Variants in TCF4 observed in about 807,000 individuals in gnomAD.
TCF4 encodes transcription factor 4, also known as SL3-3 enhancer factor 2.
Under a neutral mutation model 82.1 loss-of-function variants are expected in TCF4, and 3 were observed. The observed-to-expected ratio is 0.04, with a 90% CI of 0.02 to 0.09. The LOEUF is 0.09. Ranked by LOEUF, TCF4 falls within the 10% of genes least tolerant of loss-of-function variation. The pLI, the probability that TCF4 is intolerant of heterozygous loss-of-function variation, is 1.00. For missense variants in TCF4, 518 were observed against 852.7 expected (o/e 0.61, Z 4.89); for synonymous variants, 276 against 309.6 (o/e 0.89, Z 1.14).
chr18:55,238,519 G>T (rs563995136), intron 15 of TCF4, among the ~76,000 whole-genome samples: 2 of 152,124 alleles, frequency 1.3e-5, no homozygotes, highest in Non-Finnish European at 1.5e-5. Flanking sequence ...TTCTTGGGGG[G>T]ATTTTTGTAT....
intron 16 of TCF4, among the ~76,000 whole-genome samples, chr18:55,233,964 T>C (rs911710656): frequency 6.6e-6 from 1 of 152,110 alleles, no homozygotes; most frequent in Non-Finnish European, 1.5e-5. Flanking sequence ...ATGTTATCAT[T>C]TTTATATTAA....
chr18:55,578,334 G>A (rs969617907), intron 3 of TCF4, among the ~76,000 whole-genome samples: 6 of 152,000 alleles, frequency 3.9e-5, no homozygotes, highest in African/African-American at 1.2e-4. Flanking sequence ...GCAGCATGAG[G>A]TCTTTGACCA....
chr18:55,537,460 C>T (rs148449226), intron 3 of TCF4, among the ~76,000 whole-genome samples: 213 of 152,116 alleles, frequency 1.4e-3, no homozygotes, highest in African/African-American at 4.4e-3. Context: ...CGTGGTGGCA[C>T]GTGCCTGTGA....
intron 8 of TCF4, chr18:55,321,551 C>G: frequency 7.2e-7 from 1 of 1,392,056 alleles, no homozygotes; most frequent in Non-Finnish European, 9.8e-7. Context: ...TATTTCATGG[C>G]ACCCAGGAAG....
chr18:55,350,251 A>T (rs2082050141), intron 8 of TCF4, 108 bp downstream of exon 8: 2 of 1,177,012 alleles, frequency 1.7e-6, no homozygotes, highest in African/African-American at 3.1e-5. Flanking sequence ...CTTCTAGATA[A>T]ACGTGCTGCT....
chr18:55,443,013 T>C (rs2095467119), intron 5 of TCF4, among the ~76,000 whole-genome samples: 1 of 152,212 alleles, frequency 6.6e-6, no homozygotes, highest in African/African-American at 2.4e-5. Context: ...GAAAATGGTT[T>C]GTCCAGTGGG....
chr18:55,369,511 G>A (rs748809443), intron 6 of TCF4, among the ~76,000 whole-genome samples: 52 of 152,130 alleles, frequency 3.4e-4, no homozygotes, highest in Non-Finnish European at 6.2e-4. Flanking sequence ...AGGCGAAAGT[G>A]GCTGAGGTCC....
In TCF4 at chr18:55,223,938, A is replaced by G. The variant is rs2144246009; in HGVS notation, c.*4097T>C. The G allele has an allele frequency of 6.6e-6, 1 of 152,326 alleles. No homozygotes were observed. Among genetic ancestry groups the G allele is most frequent in the Admixed American group, 6.5e-5 (1 of 15,294 alleles). The allele number at this position is 152,326 out of a possible 1,614,324, so 9.4% of individuals were successfully genotyped here. ...CAAACTTTTACTCATAATGATTCCA[A>G]AAATCTACAAAGAAGAAATATTCAG... On this transcript the variant is annotated 3_prime_UTR_variant, in exon 20 of 20. Transcript: ENST00000354452.
At chr18:55,299,660 G>C (rs950405111) in intron 8 of TCF4, among the ~76,000 whole-genome samples, 7 of 152,148 alleles carry the variant, frequency 4.6e-5, no homozygotes, top group African/African-American at 1.7e-4. Context: ...TACCAGACAG[G>C]TAAATTTGAA....
chr18:55,509,668 A>G (rs2096803141), intron 3 of TCF4, among the ~76,000 whole-genome samples: 3 of 152,206 alleles, frequency 2.0e-5, no homozygotes, highest in Admixed American at 2.0e-4. Context: ...ATACTAAAAC[A>G]ATAGAGGGTT....
At chr18:55,593,166 T>C (rs2097687408), upstream of TCF4, among the ~76,000 whole-genome samples, 1 of 152,212 alleles carries the variant, frequency 6.6e-6, no homozygotes, top group South Asian at 2.1e-4. Flanking sequence ...ATCTGATTCA[T>C]TGTGCCACCT....
intron 6 of TCF4, chr18:55,401,114 G>A (rs1219428180): frequency 7.0e-6 from 9 of 1,288,762 alleles, no homozygotes; most frequent in Non-Finnish European, 9.1e-6. Context: ...TGTAGACAGG[G>A]ATTCAAATAA....
intron 3 of TCF4, 35 bp from the exon 4 acceptor site, chr18:55,464,172 G>A: frequency 6.2e-7 from 1 of 1,600,850 alleles, no homozygotes; most frequent in Non-Finnish European, 8.6e-7. Context: ...AGGCTTTCTT[G>A]CAGTAATTTT....
At chr18:55,541,838 G>A (rs1167579224) in intron 3 of TCF4, among the ~76,000 whole-genome samples, 1 of 151,922 alleles carries the variant, frequency 6.6e-6, no homozygotes, top group Non-Finnish European at 1.5e-5. Context: ...AAGGAAGGGA[G>A]AATACGACGT....
intron 1 of TCF4, among the ~76,000 whole-genome samples, chr18:55,634,916 C>T (rs1396004299): frequency 6.6e-6 from 1 of 152,040 alleles, no homozygotes; most frequent in South Asian, 2.1e-4. Context: ...TAAAGGAAGT[C>T]GTAAGGGGGT....
Position 55,223,404 on chromosome 18 carries a change from T to C in TCF4, c.*4631A>G, listed in dbSNP as rs935750647. On this transcript the variant is annotated 3_prime_UTR_variant, in exon 20 of 20. Coordinates refer to ENST00000354452, the MANE Select transcript of TCF4 (RefSeq NM_001083962.2). The stretch of plus-strand genomic sequence containing the variant: ...GCGTTTTACTTACAGAAGAGAATCA[T>C]AGCTATATGGACAATGCAAAATGAA... 6.6e-6 allele frequency: 1 copy of C among 152,642 alleles called. No individual in the cohort carries two copies. Among genetic ancestry groups the C allele is most frequent in the African/African-American group, 2.4e-5 (1 of 41,448 alleles). The allele number at this position is 152,642 out of a possible 1,614,324, so 9.5% of individuals were successfully genotyped here.
At chr18:55,263,021 G>C (rs2058367830) in intron 11 of TCF4, among the ~76,000 whole-genome samples, 1 of 152,074 alleles carries the variant, frequency 6.6e-6, no homozygotes, top group East Asian at 1.9e-4. Context: ...GGTCAGGCTG[G>C]TCTCGAACTC....
intron 3 of TCF4, among the ~76,000 whole-genome samples, chr18:55,513,820 T>C (rs2096853022): frequency 1.3e-5 from 2 of 152,218 alleles, no homozygotes; most frequent in South Asian, 4.1e-4. Context: ...CTCTTCTTTC[T>C]CTGTGTTACA....
At chr18:55,621,162 T>C (rs967266479) in intron 2 of TCF4, among the ~76,000 whole-genome samples, 21 of 151,672 alleles carry the variant, frequency 1.4e-4, no homozygotes, top group African/African-American at 4.8e-4. Flanking sequence ...ACACTAGCTG[T>C]GGGACACAGG....
Sources: gnomAD v4.1 joint callset for allele counts (sites outside exome capture counted in the v4.1 genomes callset) on GRCh38, gnomAD v4.1.1 for gene constraint, MANE v1.5 for transcripts, NCBI Gene and HGNC (gene_info 2026-07-23, HGNC 2026-07-21) for gene names.